The following GABRB1 variants were observed in gnomAD, a reference collection of about 807,000 sequenced individuals.
GABRB1 encodes gamma-aminobutyric acid type A receptor subunit beta1, also known as gamma-aminobutyric acid receptor subunit beta-1.
Under a neutral mutation model 51.6 loss-of-function variants are expected in GABRB1, and 17 were observed. That is an observed-to-expected ratio of 0.33 (90% CI 0.23 to 0.49). The LOEUF is 0.49. Ranked by LOEUF, GABRB1 falls within the 20% of genes least tolerant of loss-of-function variation. The pLI is 0.99. For missense variants in GABRB1, 410 were observed against 600.6 expected, an observed-to-expected ratio of 0.68 and a Z score of 3.32; for synonymous variants, 247 against 218.9, an observed-to-expected ratio of 1.13 and a Z score of -1.14.
intron 8 of GABRB1, among the ~76,000 whole-genome samples, chr4:47,413,423 G>A (rs955623435): frequency 1.3e-5 from 2 of 152,152 alleles, no homozygotes; most frequent in African/African-American, 4.8e-5. Flanking sequence ...AACAAAGCAA[G>A]TATTTACTTC....
At chr4:47,092,161 CTTTCTTTT>C (rs1283906425) in intron 3 of GABRB1, among the ~76,000 whole-genome samples, 12 of 68,216 alleles carry the variant, frequency 1.8e-4, no homozygotes, top group East Asian at 1.4e-3. Flanking sequence ...TTCTTTCTTT[CTTTCTTTT>C]TTTTTTTTTT....
At chr4:47,315,068 T>C (rs1724835167) in intron 4 of GABRB1, among the ~76,000 whole-genome samples, 1 of 151,812 alleles carries the variant, frequency 6.6e-6, no homozygotes, top group African/African-American at 2.4e-5. Context: ...CAAAACATCA[T>C]TAGAATGTTG....
intron 4 of GABRB1, among the ~76,000 whole-genome samples, chr4:47,273,949 C>T (rs1487571281): frequency 5.3e-5 from 8 of 151,814 alleles, no homozygotes; most frequent in African/African-American, 1.9e-4. Context: ...TATGTACACA[C>T]ACATACATTG....
intron 3 of GABRB1, among the ~76,000 whole-genome samples, chr4:47,150,875 G>C (rs1015316792): frequency 6.6e-6 from 1 of 151,896 alleles, no homozygotes; most frequent in Non-Finnish European, 1.5e-5. Flanking sequence ...TAAGTAGAAG[G>C]AGAGAGAAAA....
chr4:47,307,092 A>G (rs1724500271), intron 4 of GABRB1, among the ~76,000 whole-genome samples: 1 of 152,156 alleles, frequency 6.6e-6, no homozygotes, highest in African/African-American at 2.4e-5. Flanking sequence ...ATTTTCCCAA[A>G]GGGACAAAAA....
chr4:47,255,641 G>A (rs1030220819), intron 4 of GABRB1, among the ~76,000 whole-genome samples: 12 of 152,220 alleles, frequency 7.9e-5, no homozygotes, highest in African/African-American at 2.9e-4. Flanking sequence ...AGACAAAGAG[G>A]CATGCCAAGG....
At chr4:47,215,631 A>T (rs1720526285) in intron 4 of GABRB1, among the ~76,000 whole-genome samples, 1 of 152,092 alleles carries the variant, frequency 6.6e-6, no homozygotes, top group Non-Finnish European at 1.5e-5. Flanking sequence ...ATGAATGAGG[A>T]TAAGAATAAG....
chr4:47,243,062 A>G (rs1578027830), intron 4 of GABRB1, among the ~76,000 whole-genome samples: 1 of 152,240 alleles, frequency 6.6e-6, no homozygotes, highest in South Asian at 2.1e-4. Context: ...TAATTTTTGT[A>G]TCAGGTGTAA....
intron 3 of GABRB1, among the ~76,000 whole-genome samples, chr4:47,135,921 TTC>T (rs1269841650): frequency 6.6e-6 from 1 of 152,190 alleles, no homozygotes. Context: ...TAATAGCTTC[TTC>T]TCTCTTCCTC....
intron 4 of GABRB1, among the ~76,000 whole-genome samples, chr4:47,262,268 G>T (rs1722470768): frequency 6.6e-6 from 1 of 152,084 alleles, no homozygotes; most frequent in African/African-American, 2.4e-5. Context: ...CCTATAAAAT[G>T]GGAGAAAATT....
chr4:47,001,190 T>C (rs550728207), intron 1 of GABRB1, among the ~76,000 whole-genome samples: 10 of 152,216 alleles, frequency 6.6e-5, no homozygotes, highest in Admixed American at 2.6e-4. Context: ...TCGCCCAGGC[T>C]GGAGTACAGT....
chr4:46,994,586 G>A (rs1723921929), intron 1 of GABRB1, among the ~76,000 whole-genome samples: 1 of 151,336 alleles, frequency 6.6e-6, no homozygotes, highest in Non-Finnish European at 1.5e-5. Context: ...AAATGGAGGG[G>A]GACAAATATT....
chr4:47,334,637 A>G (rs1310802827), intron 5 of GABRB1, among the ~76,000 whole-genome samples: 3 of 152,198 alleles, frequency 2.0e-5, no homozygotes, highest in Admixed American at 6.5e-5. Context: ...ATTTGATTTT[A>G]TTTGACTCTG....
chr4:47,401,926 AT>A (rs1394733671), intron 5 of GABRB1, among the ~76,000 whole-genome samples: 2 of 152,086 alleles, frequency 1.3e-5, no homozygotes, highest in Non-Finnish European at 2.9e-5. Flanking sequence ...TTTTTATCAA[AT>A]TCTCAAGGAG....
At chr4:47,108,012 T>C (rs1715043068) in intron 3 of GABRB1, among the ~76,000 whole-genome samples, 1 of 152,088 alleles carries the variant, frequency 6.6e-6, no homozygotes, top group African/African-American at 2.4e-5. Flanking sequence ...GAACCAGTAA[T>C]TGTGTTCATA....
intron 2 of GABRB1, 122 bp downstream of exon 2, chr4:47,032,127 GGCACACACACACAC>G: frequency 1.7e-6 from 1 of 579,858 alleles, no homozygotes; most frequent in Non-Finnish European, 3.0e-6. Flanking sequence ...CTATACCCTG[GGCACACACACACAC>G]ACACACACAC....
intron 1 of GABRB1, among the ~76,000 whole-genome samples, chr4:46,995,952 T>A (rs974398676): frequency 6.6e-6 from 1 of 152,154 alleles, no homozygotes; most frequent in African/African-American, 2.4e-5. Flanking sequence ...GGCATTTATA[T>A]CTCTTCTCAT....
intron 3 of GABRB1, among the ~76,000 whole-genome samples, chr4:47,126,721 T>G (rs1000149100): frequency 6.6e-6 from 1 of 152,060 alleles, no homozygotes; most frequent in African/African-American, 2.4e-5. Flanking sequence ...AATGTTTTAA[T>G]GCTATGCTAG....
In GABRB1 at chr4:47,382,012, G is replaced by A. The variant is rs778118351; in HGVS notation, c.545-21306G>A. Among the ~76,000 whole-genome samples the A allele has an allele frequency of 3.5e-4, 53 of 152,198 alleles. 1 individual carries two copies. Among genetic ancestry groups the A allele is most frequent in the Non-Finnish European group, 7.1e-4 (48 of 68,024 alleles). On this transcript the variant is annotated intron_variant, in intron 5 of 8. Transcript: ENST00000295454. The stretch of plus-strand genomic sequence containing the variant: ...TCTAGGCTGGGGGTAGGGATAAGGT[G>A]CTTGGATTATAGTGAAGAAATTCTA...
Sources: gnomAD v4.1 joint callset for allele counts (sites outside exome capture counted in the v4.1 genomes callset) on GRCh38, gnomAD v4.1.1 for gene constraint, MANE v1.5 for transcripts, NCBI Gene and HGNC (gene_info 2026-07-23, HGNC 2026-07-21) for gene names.